The following RSL1D1 variants were observed in gnomAD, a reference collection of about 807,000 sequenced individuals.
RSL1D1 encodes ribosomal L1 domain-containing protein 1.
RSL1D1 carries 34 observed loss-of-function variants against 44.6 expected under a neutral mutation model. The ratio of observed to expected loss-of-function variants is 0.76; its 90% CI spans 0.58 to 1.02. The LOEUF (loss-of-function observed/expected upper bound fraction) is 1.02, where lower values mean the gene tolerates loss of function less well. RSL1D1 is among the 50% of genes least tolerant of loss of function. RSL1D1 has a pLI of 0.00. For missense variants in RSL1D1, 767 were observed against 568.1 expected (o/e 1.35, Z -3.56); for synonymous variants, 271 against 207.4 (o/e 1.31, Z -2.63).
Position 11,847,590 on chromosome 16 carries a change from A to G in RSL1D1, c.384+78T>C. On this transcript the variant is annotated intron_variant, in intron 3 of 8. Coordinates refer to ENST00000571133, the MANE Select transcript of RSL1D1 (RefSeq NM_015659.3). ...AAGTAGAAGAAAAATACTAGGAAAT[A>G]TAGCAATGTATTTGTGATACCATTT... The G allele has an allele frequency of 5.1e-6, 6 of 1,166,962 alleles. No homozygotes were observed. In the South Asian group the frequency reaches 7.1e-5, roughly 14 times the overall value. 72.3% of individuals were successfully genotyped at this position (1,166,962 alleles called of 1,614,324 possible). A position where few individuals can be genotyped will look rare whatever the true frequency, so the allele number is the denominator to read the frequency against.
chr16:11,843,871 CAAAAAAAAA>C lies in RSL1D1; in HGVS notation c.636-1880_636-1872del, dbSNP rs35833714. Reference sequence around the variant, plus strand: ...GGGCGACAGAGCAAGAACTCTGTCTCAAAAAAAAAAAAAAAAAAAAAAAAGAGTAAATAG... The same window carrying C: ...GGGCGACAGAGCAAGAACTCTGTCTCAAAAAAAAAAAAAAAGAGTAAATAG... On this transcript the variant is annotated intron_variant, in intron 5 of 8. Coordinates refer to ENST00000571133, the MANE Select transcript of RSL1D1 (RefSeq NM_015659.3). Among the ~76,000 whole-genome samples, 41 of 53,562 alleles carry C rather than the reference CAAAAAAAAA, an allele frequency of 7.7e-4. No individual in the cohort carries two copies. In the South Asian group the frequency reaches 0.024, roughly 31 times the overall value. The allele number at this position is 53,562 out of a possible 152,430, so 35.1% of individuals were successfully genotyped here.
intron 1 of RSL1D1, chr16:11,850,979 C>T (rs1338477422): frequency 4.2e-6 from 1 of 238,596 alleles, no homozygotes; most frequent in Non-Finnish European, 8.4e-6. Flanking sequence ...CGTGAGCCAC[C>T]GCGCCCGGCC....
In RSL1D1 at chr16:11,847,722, T is replaced by C. The variant is rs752164905; in HGVS notation, c.330A>G (p.Thr110=). The change falls in exon 3 of 9, where the codon ACA becomes ACG. Residue 110 remains threonine (T), a synonymous_variant. Coordinates refer to ENST00000571133, the MANE Select transcript of RSL1D1 (RefSeq NM_015659.3). The part of the protein sequence containing the change: ...KDEPNSTPEK[T]EQFYRKLLNK... ...TTAAAAGCTTTCTATAAAACTGTTC[T>C]GTCTTTTCAGGAGTTGAATTGGGTT... 1.2e-6 allele frequency: 2 copies of C among 1,613,332 alleles called. No individual in the cohort carries two copies. The highest frequency in any genetic ancestry group is 4.5e-5 in the East Asian group (2 of 44,860).
chr16:11,850,555 G>T (rs898281886), intron 1 of RSL1D1, 137 bp from the exon 2 acceptor site: 35 of 805,608 alleles, frequency 4.3e-5, no homozygotes, highest in Non-Finnish European at 6.0e-5. Context: ...TCTATTTCAA[G>T]GGGTAACCTC....
In RSL1D1 at chr16:11,851,350, C is replaced by T. The variant is rs1260537993; in HGVS notation, c.105+58G>A. On this transcript the variant is annotated intron_variant, in intron 1 of 8. Coordinates refer to ENST00000571133, the MANE Select transcript of RSL1D1 (RefSeq NM_015659.3). The stretch of plus-strand genomic sequence containing the variant: ...CACGCACTCGGGTTCCGGCACCCTG[C>T]GCCTCACGAGGTAACCGCCACACTG... 6 of 1,516,034 alleles carry T rather than the reference C, an allele frequency of 4.0e-6. No individual in the cohort carries two copies. In the East Asian group the frequency reaches 9.0e-5, roughly 23 times the overall value. The allele number at this position is 1,516,034 out of a possible 1,614,324, so 93.9% of individuals were successfully genotyped here. A position where few individuals can be genotyped will look rare whatever the true frequency, so the allele number is the denominator to read the frequency against.
Position 11,835,568 on chromosome 16 carries a change from A to T in RSL1D1, c.*2219T>A, listed in dbSNP as rs2053710498. On this transcript the variant is annotated 3_prime_UTR_variant, in exon 9 of 9. Coordinates refer to ENST00000571133, the MANE Select transcript of RSL1D1 (RefSeq NM_015659.3). ...GAGTGCAGGATCGTGATCATGGCCCATTGCAGCCTCTACCTCCCGGGTTCA... is the reference window on the plus strand; with the variant it reads ...GAGTGCAGGATCGTGATCATGGCCCTTTGCAGCCTCTACCTCCCGGGTTCA... The T allele has an allele frequency of 6.6e-6, 1 of 152,042 alleles. No homozygotes were observed. Among genetic ancestry groups the T allele is most frequent in the Non-Finnish European group, 1.5e-5 (1 of 68,108 alleles). The allele number at this position is 152,042 out of a possible 1,614,324, so 9.4% of individuals were successfully genotyped here. A position where few individuals can be genotyped will look rare whatever the true frequency, so the allele number is the denominator to read the frequency against.
chr16:11,846,587 TAC>T lies in RSL1D1; in HGVS notation c.547_548del (p.Val183LysfsTer13). 6.2e-7 allele frequency: 1 copy of T among 1,610,342 alleles called. No homozygotes were observed. The highest frequency in any genetic ancestry group is 8.5e-7 in the Non-Finnish European group (1 of 1,177,268). Reference sequence around the variant, plus strand: ...TTGATAAATTCTTGGACAGAAGGTTTACAGATACTGGAACTCTACAAAATAAA... The same window carrying T: ...TTGATAAATTCTTGGACAGAAGGTTTAGATACTGGAACTCTACAAAATAAA... ...FYQRKKVPVSVNLLSKNLSRE... is the reference protein window; with the variant it reads ...FYQRKKVPVSXNLLSKNLSRE... On this transcript the variant is annotated frameshift_variant, in exon 5 of 9. Coordinates refer to ENST00000571133, the MANE Select transcript of RSL1D1 (RefSeq NM_015659.3). LOFTEE classifies it high-confidence loss of function.
intron 8 of RSL1D1, among the ~76,000 whole-genome samples, chr16:11,838,368 A>C (rs1414093627): frequency 6.6e-6 from 1 of 151,686 alleles, no homozygotes; most frequent in Admixed American, 6.6e-5. Flanking sequence ...TCACCATGTT[A>C]GCCAGGCTGG....
intron 5 of RSL1D1, 39 bp from the exon 6 acceptor site, chr16:11,842,039 C>T: frequency 2.1e-6 from 3 of 1,443,610 alleles, no homozygotes; most frequent in Non-Finnish European, 9.5e-7. Context: ...TTTTAAAAAA[C>T]CATTTTTCAA....
chr16:11,851,237 G>A (rs570302795), intron 1 of RSL1D1, 171 bp downstream of exon 1: 16 of 675,844 alleles, frequency 2.4e-5, no homozygotes, highest in East Asian at 5.4e-5. Flanking sequence ...GGGAAAGCAG[G>A]CGCCCACCCA....
Position 11,837,760 on chromosome 16 carries a change from G to C in RSL1D1, c.*27C>G, listed in dbSNP as rs757151761. 6.4e-7 allele frequency: 1 copy of C among 1,566,676 alleles called. No homozygotes were observed. The highest frequency in any genetic ancestry group is 1.2e-5 in the South Asian group (1 of 85,874). On this transcript the variant is annotated 3_prime_UTR_variant, in exon 9 of 9. Transcript: ENST00000571133. ...CAAAAAGCTCTGGAGGCAGCATTGA[G>C]GTTTCCTTCCAGTTGAATCACTGAC...
At chr16:11,841,557 TA>T in intron 7 of RSL1D1, 137 bp downstream of exon 7, 1 of 750,670 alleles carries the variant, frequency 1.3e-6, no homozygotes, top group Non-Finnish European at 2.1e-6. Context: ...TTACCTCATG[TA>T]AAGTGACAAA....
Position 11,837,084 on chromosome 16 carries a change from C to A in RSL1D1, c.*703G>T, listed in dbSNP as rs1166647595. 2 of 152,194 alleles carry A rather than the reference C, an allele frequency of 1.3e-5. No individual in the cohort carries two copies. Among genetic ancestry groups the A allele is most frequent in the East Asian group, 1.9e-4 (1 of 5,170 alleles). The allele number at this position is 152,194 out of a possible 1,614,324, so 9.4% of individuals were successfully genotyped here. A position where few individuals can be genotyped will look rare whatever the true frequency, so the allele number is the denominator to read the frequency against. On this transcript the variant is annotated 3_prime_UTR_variant, in exon 9 of 9. Transcript: ENST00000571133. Reference sequence around the variant, plus strand: ...AACCTCTTGCGCTCACTTGATCCTTCCACCTCAGCCTCGTGAGGAGCTGGG... The same window carrying A: ...AACCTCTTGCGCTCACTTGATCCTTACACCTCAGCCTCGTGAGGAGCTGGG...
At position 11,838,059 on chromosome 16, in the gene RSL1D1, T is replaced by A. The variant is rs2053734901; in HGVS notation, c.1201A>T (p.Thr401Ser). The A allele has an allele frequency of 6.2e-7, 1 of 1,610,816 alleles. No homozygotes were observed. The highest frequency in any genetic ancestry group is 1.3e-5 in the African/African-American group (1 of 74,478). ...KSPAKSPNPS[T>S]PRGKKRKALP... ...GCCTTTCTTTTCTTCCCACGAGGTG[T>A]GCTGGGATTAGGACTCTTTGCTGGA... Residue 401 changes from threonine (T) to serine (S), a missense_variant, in exon 9 of 9, where the codon ACA becomes TCA. Thr to Ser is a moderately conservative substitution (Grantham distance 58). Transcript: ENST00000571133.
intron 7 of RSL1D1, 152 bp from the exon 8 acceptor site, chr16:11,840,137 C>T: frequency 8.2e-7 from 1 of 1,219,158 alleles, no homozygotes; most frequent in Non-Finnish European, 1.1e-6. Context: ...AGCACTGGAA[C>T]CTCAACCGCA....
chr16:11,844,101 C>T (rs1290497672), intron 5 of RSL1D1, among the ~76,000 whole-genome samples: 1 of 152,102 alleles, frequency 6.6e-6, no homozygotes, highest in African/African-American at 2.4e-5. Flanking sequence ...TTGCTCCTCT[C>T]TCTCTTCAGC....
At chr16:11,840,096 T>A in intron 7 of RSL1D1, 111 bp from the exon 8 acceptor site, 9 of 1,469,084 alleles carry the variant, frequency 6.1e-6, no homozygotes, top group South Asian at 4.2e-5. Context: ...TAAATGGACC[T>A]CGATCTATAC....
intron 7 of RSL1D1, among the ~76,000 whole-genome samples, chr16:11,840,250 C>T (rs998984273): frequency 1.3e-5 from 2 of 152,108 alleles, no homozygotes; most frequent in African/African-American, 4.8e-5. Context: ...TTTTGTGAAA[C>T]ACAGTATGGT....
rs2053799698 is a variant in RSL1D1, at chr16:11,846,530, G to A, written c.606C>T (p.Val202=). 1.3e-6 allele frequency: 2 copies of A among 1,596,172 alleles called. No homozygotes were observed. Among genetic ancestry groups the A allele is most frequent in the African/African-American group, 2.7e-5 (2 of 73,864 alleles). ...REINDCIGGT[V]LNISKSGSCS... ...AAGAACCACTTTTAGAAATGTTTAA[G>A]ACTGTTCCACCTATACAGTCATTGA... The change falls in exon 5 of 9, where the codon GTC becomes GTT. Residue 202 remains valine (V), a synonymous_variant. Transcript: ENST00000571133.
Sources: gnomAD v4.1 joint callset for allele counts (sites outside exome capture counted in the v4.1 genomes callset) on GRCh38, gnomAD v4.1.1 for gene constraint, MANE v1.5 for transcripts, NCBI Gene and HGNC (gene_info 2026-07-23, HGNC 2026-07-21) for gene names.